Variants in CCDC7 observed in about 807,000 individuals in gnomAD.
CCDC7 encodes the protein coiled-coil domain-containing protein 7.
In CCDC7, 183 loss-of-function variants were observed where a neutral mutation model predicts 196.9. That is an observed-to-expected ratio of 0.93 (90% CI 0.82 to 1.05). The LOEUF is 1.05. Ranked by LOEUF, CCDC7 falls within the 50% of genes least tolerant of loss-of-function variation. The pLI, the probability that CCDC7 is intolerant of heterozygous loss-of-function variation, is 0.00. For synonymous variants in CCDC7, 525 were observed against 484.6 expected, an observed-to-expected ratio of 1.08 and a Z score of -1.10; for missense variants, 1,540 against 1,482.2, an observed-to-expected ratio of 1.04 and a Z score of -0.64.
At chr10:32,644,035 C>T (rs1204709295) in intron 20 of CCDC7, among the ~76,000 whole-genome samples, 1 of 151,916 alleles carries the variant, frequency 6.6e-6, no homozygotes, top group African/African-American at 2.4e-5. Flanking sequence ...TTATTGTAGT[C>T]TAAGCCTCTC....
intron 20 of CCDC7, among the ~76,000 whole-genome samples, chr10:32,638,468 T>G (rs968688633): frequency 1.3e-5 from 2 of 152,238 alleles, no homozygotes; most frequent in African/African-American, 4.8e-5. Flanking sequence ...AAAGGCCTCT[T>G]CTGCATCTAT....
chr10:32,735,794 G>C (rs2084762270), intron 28 of CCDC7, among the ~76,000 whole-genome samples: 1 of 152,120 alleles, frequency 6.6e-6, no homozygotes, highest in South Asian at 2.1e-4. Context: ...GAATTTTATA[G>C]TTTTTGCATT....
intron 18 of CCDC7, among the ~76,000 whole-genome samples, chr10:32,584,988 G>A (rs1327616227): frequency 1.3e-5 from 2 of 151,858 alleles, no homozygotes; most frequent in African/African-American, 2.4e-5. Context: ...TTTGATATAC[G>A]GTTAAAAGCA....
At chr10:32,804,640 AT>A (rs996587016) in intron 29 of CCDC7, among the ~76,000 whole-genome samples, 82 of 152,256 alleles carry the variant, frequency 5.4e-4, no homozygotes, top group African/African-American at 1.9e-3. Flanking sequence ...TATGAATGTG[AT>A]TCAATATAAA....
At chr10:32,818,615 G>T (rs2089401381) in intron 31 of CCDC7, among the ~76,000 whole-genome samples, 1 of 152,164 alleles carries the variant, frequency 6.6e-6, no homozygotes, top group South Asian at 2.1e-4. Flanking sequence ...AAATGTAAAA[G>T]CACAGAAATT....
chr10:32,769,018 G>A (rs117962224), intron 28 of CCDC7, among the ~76,000 whole-genome samples: 49 of 152,186 alleles, frequency 3.2e-4, no homozygotes, highest in Admixed American at 2.6e-3. Flanking sequence ...GGGTGGCTTC[G>A]TATAATGAAT....
chr10:32,488,338 G>A (rs553418706), intron 8 of CCDC7, among the ~76,000 whole-genome samples: 9 of 152,304 alleles, frequency 5.9e-5, no homozygotes, highest in East Asian at 1.9e-4. Context: ...TTGGAAAAGC[G>A]CGGTATTAGG....
chr10:32,603,365 G>T (rs901221332), intron 18 of CCDC7, among the ~76,000 whole-genome samples: 11 of 151,956 alleles, frequency 7.2e-5, no homozygotes, highest in Admixed American at 3.9e-4. Flanking sequence ...TGGACACTTA[G>T]CTTGATTTCA....
chr10:32,741,438 C>T (rs796676035), intron 28 of CCDC7, among the ~76,000 whole-genome samples: 8 of 152,238 alleles, frequency 5.3e-5, no homozygotes, highest in African/African-American at 1.9e-4. Flanking sequence ...GGGATTAGTT[C>T]CAGGACCACC....
Position 32,818,719 on chromosome 10 carries a change from G to C in CCDC7, c.3181+4266G>C, listed in dbSNP as rs556094231. ...CAACCTGCTCCTGAATGACTACTGGGTACATAACGAAATGAAGGCAGAAAT... is the reference window on the plus strand; with the variant it reads ...CAACCTGCTCCTGAATGACTACTGGCTACATAACGAAATGAAGGCAGAAAT... On this transcript the variant is annotated intron_variant, in intron 31 of 41. Transcript: ENST00000639629. Among the ~76,000 whole-genome samples the C allele has an allele frequency of 2.0e-3, 301 of 152,256 alleles. 1 individual carries two copies. Among genetic ancestry groups the C allele is most frequent in the Non-Finnish European group, 3.8e-3 (256 of 68,012 alleles).
intron 29 of CCDC7, among the ~76,000 whole-genome samples, chr10:32,801,568 T>G (rs2084797512): frequency 3.3e-5 from 5 of 152,166 alleles, no homozygotes; most frequent in Admixed American, 1.3e-4. Flanking sequence ...TTAAATAAAT[T>G]AGAAAACTCA....
intron 25 of CCDC7, among the ~76,000 whole-genome samples, chr10:32,724,239 A>G (rs2082800308): frequency 6.6e-6 from 1 of 152,116 alleles, no homozygotes; most frequent in Admixed American, 6.6e-5. Context: ...ATTCATTGGC[A>G]TCATCCGTGA....
chr10:32,790,383 C>T (rs1352576208), intron 29 of CCDC7, among the ~76,000 whole-genome samples: 1 of 152,236 alleles, frequency 6.6e-6, no homozygotes, highest in Non-Finnish European at 1.5e-5. Flanking sequence ...ACCACATAAA[C>T]ACCACCAAGG....
At chr10:32,767,452 T>C (rs962192671) in intron 28 of CCDC7, among the ~76,000 whole-genome samples, 3 of 152,142 alleles carry the variant, frequency 2.0e-5, no homozygotes, top group African/African-American at 7.2e-5. Flanking sequence ...TTAGAAGCAA[T>C]TAAAAAACCA....
chr10:32,611,878 G>T (rs946314415), intron 18 of CCDC7, among the ~76,000 whole-genome samples: 3 of 152,122 alleles, frequency 2.0e-5, no homozygotes, highest in African/African-American at 7.2e-5. Flanking sequence ...TGATCTTTTT[G>T]CTTAGGATTG....
At chr10:32,773,827 G>A (rs1024996421) in intron 28 of CCDC7, among the ~76,000 whole-genome samples, 1 of 151,996 alleles carries the variant, frequency 6.6e-6, no homozygotes, top group East Asian at 1.9e-4. Context: ...CTTAATACTA[G>A]AACTTAATTA....
intron 20 of CCDC7, among the ~76,000 whole-genome samples, chr10:32,640,062 T>G (rs886156424): frequency 2.0e-5 from 3 of 152,206 alleles, no homozygotes; most frequent in Non-Finnish European, 4.4e-5. Context: ...TAGGTCTTCT[T>G]GGTGCAGAGC....
chr10:32,525,319 A>G (rs1255471931), intron 11 of CCDC7, among the ~76,000 whole-genome samples: 2 of 152,246 alleles, frequency 1.3e-5, no homozygotes, highest in Middle Eastern at 3.4e-3. Flanking sequence ...TGCTTGATCA[A>G]TTCTGCTATT....
chr10:32,487,079 A>C (rs201374915), intron 8 of CCDC7, among the ~76,000 whole-genome samples: 89 of 152,234 alleles, frequency 5.8e-4, no homozygotes, highest in Admixed American at 2.1e-3. Flanking sequence ...TAATATCCTG[A>C]AGAGTGTTTT....
Sources: allele counts gnomAD v4.1 joint callset (sites outside exome capture counted in the v4.1 genomes callset), GRCh38; gene constraint gnomAD v4.1.1; transcripts MANE v1.5; gene names NCBI Gene and HGNC (gene_info 2026-07-23, HGNC 2026-07-21).